Variants in IDH1 observed in about 807,000 individuals in gnomAD.
The protein encoded by IDH1 is isocitrate dehydrogenase [NADP] cytoplasmic.
IDH1 carries 33 observed loss-of-function variants against 46.1 expected under a neutral mutation model. The ratio of observed to expected loss-of-function variants is 0.72; its 90% CI spans 0.54 to 0.96. The LOEUF (loss-of-function observed/expected upper bound fraction) is 0.96, where lower values mean the gene tolerates loss of function less well. IDH1 is among the 40% of genes least tolerant of loss of function. The pLI, the probability that IDH1 is intolerant of heterozygous loss-of-function variation, is 0.00. For missense variants in IDH1, 421 were observed against 515.7 expected (o/e 0.82, Z 1.78); for synonymous variants, 144 against 172.8 (o/e 0.83, Z 1.31).
At chr2:208,248,300 A>T (rs1688059276) in intron 4 of IDH1, 69 bp downstream of exon 4, 3 of 1,414,298 alleles carry the variant, frequency 2.1e-6, no homozygotes, top group Non-Finnish European at 3.0e-6. Context: ...TAAAACACAT[A>T]CAAGTTGGAA....
intron 2 of IDH1, among the ~76,000 whole-genome samples, chr2:208,252,981 A>T (rs2124870175): frequency 6.6e-6 from 1 of 152,338 alleles, no homozygotes; most frequent in African/African-American, 2.4e-5. Context: ...CATATGATTC[A>T]GTTCATGTTT....
chr2:208,254,871 C>T (rs1446424885), intron 1 of IDH1, 68 bp downstream of exon 1: 4 of 152,380 alleles, frequency 2.6e-5, no homozygotes, highest in African/African-American at 7.2e-5. Context: ...CCATTCCTGC[C>T]TTCTGCGGAA....
chr2:208,247,799 A>T (rs1287382974), intron 4 of IDH1: 1 of 159,084 alleles, frequency 6.3e-6, no homozygotes, highest in Non-Finnish European at 1.4e-5. Flanking sequence ...CATAGTACCC[A>T]GCCAGTTTTT....
chr2:208,237,931 GA>G (rs200918475), intron 9 of IDH1, among the ~76,000 whole-genome samples: 3 of 146,070 alleles, frequency 2.1e-5, no homozygotes, highest in Non-Finnish European at 4.5e-5. Flanking sequence ...TCAATAAAAA[GA>G]AAAAAAAAGA....
At chr2:208,248,076 A>G (rs959958393) in intron 4 of IDH1, 1 of 435,868 alleles carries the variant, frequency 2.3e-6, no homozygotes, top group Non-Finnish European at 4.2e-6. Context: ...TGAAATTACC[A>G]ACATAAAAAT....
intron 8 of IDH1, 74 bp downstream of exon 8, chr2:208,239,789 G>T: frequency 6.9e-7 from 1 of 1,457,788 alleles, no homozygotes; most frequent in East Asian, 2.3e-5. Flanking sequence ...AAAACACTGA[G>T]CAGCCAAGGG....
At chr2:208,248,695 G>T (rs774294185) in intron 3 of IDH1, 35 bp from the exon 4 acceptor site, 1 of 1,581,630 alleles carries the variant, frequency 6.3e-7, no homozygotes, top group Admixed American at 1.7e-5. Flanking sequence ...AAGTTTTTCA[G>T]ACAAATGGAT....
Position 208,248,521 on chromosome 2 carries a change from A to G in IDH1, c.262T>C (p.Leu88=), listed in dbSNP as rs1215616500. The change falls in exon 4 of 10, where the codon TTG becomes CTG. Residue 88 remains leucine (L), a synonymous_variant. Coordinates refer to ENST00000345146, the MANE Select transcript of IDH1 (RefSeq NM_005896.4). ...TTTGGTGATTTCCACATTTGTTTCA[A>G]CTTGAACTCCTCAACCCTCTTCTCA... is the stretch of plus-strand genomic sequence containing the variant. The part of the protein sequence containing the change: ...PDEKRVEEFK[L]KQMWKSPNGT... 1.2e-6 allele frequency: 2 copies of G among 1,614,058 alleles called. No homozygotes were observed. The highest frequency in any genetic ancestry group is 1.7e-6 in the Non-Finnish European group (2 of 1,180,038).
chr2:208,252,278 T>C (rs999811109), intron 2 of IDH1, among the ~76,000 whole-genome samples: 3 of 152,252 alleles, frequency 2.0e-5, no homozygotes, highest in African/African-American at 7.2e-5. Flanking sequence ...AGAATCTCTA[T>C]ACAGTAGGGC....
intron 9 of IDH1, among the ~76,000 whole-genome samples, chr2:208,238,773 G>A (rs1687863954): frequency 6.6e-6 from 1 of 152,152 alleles, no homozygotes; most frequent in South Asian, 2.1e-4. Flanking sequence ...ACCAAATCGA[G>A]GCTGGTTTTG....
At chr2:208,239,744 G>T in intron 8 of IDH1, 119 bp downstream of exon 8, 1 of 950,796 alleles carries the variant, frequency 1.1e-6, no homozygotes, top group Non-Finnish European at 1.7e-6. Flanking sequence ...CTTACTAGTA[G>T]AACAAATCAG....
At chr2:208,243,701 A>C (rs1186536140) in intron 5 of IDH1, 97 bp from the exon 6 acceptor site, 6 of 939,934 alleles carry the variant, frequency 6.4e-6, no homozygotes, top group Admixed American at 3.9e-5. Flanking sequence ...CAAATGACCT[A>C]CTTCTCAGCT....
At chr2:208,253,744 A>G (rs573849306) in intron 2 of IDH1, 142 bp downstream of exon 2, 1 of 152,382 alleles carries the variant, frequency 6.6e-6, no homozygotes, top group South Asian at 2.1e-4. Flanking sequence ...AAAAGAAACA[A>G]GGAAGCTGTT....
chr2:208,240,374 T>A (rs114000671), intron 7 of IDH1: 282 of 238,654 alleles, frequency 1.2e-3, no homozygotes, highest in African/African-American at 5.9e-3. Flanking sequence ...TGCTGTGGGA[T>A]TAGATAAATA....
intron 9 of IDH1, among the ~76,000 whole-genome samples, chr2:208,237,489 T>C (rs1309279814): frequency 3.3e-5 from 5 of 152,150 alleles, no homozygotes; most frequent in Non-Finnish European, 7.3e-5. Context: ...GAGACCAAAA[T>C]CATCACACTT....
At position 208,239,228 on chromosome 2, in the gene IDH1, T is replaced by C. The variant is rs1687873174; in HGVS notation, c.997A>G (p.Ile333Val). Residue 333 changes from isoleucine (I) to valine (V), a missense_variant, in exon 9 of 10, where the codon ATT (isoleucine) becomes GTT (valine). Physicochemically the swap from Ile to Val is conservative, Grantham distance 29. Coordinates refer to ENST00000345146, the MANE Select transcript of IDH1 (RefSeq NM_005896.4). ...GCTAACCCTCTGGTCCAGGCAAAAATGGAAGCTAAAAGAGGGGAAAAAAAA... is the reference window on the plus strand; with the variant it reads ...GCTAACCCTCTGGTCCAGGCAAAAACGGAAGCTAAAAGAGGGGAAAAAAAA... ...QETSTNPIAS[I>V]FAWTRGLAHR... is the part of the protein sequence containing the mutation. The C allele has an allele frequency of 2.5e-6, 4 of 1,613,818 alleles. No homozygotes were observed. The highest frequency in any genetic ancestry group is 3.4e-6 in the Non-Finnish European group (4 of 1,179,976).
intron 9 of IDH1, among the ~76,000 whole-genome samples, 165 bp downstream of exon 9, chr2:208,238,906 C>T (rs965361225): frequency 6.6e-6 from 1 of 152,170 alleles, no homozygotes; most frequent in African/African-American, 2.4e-5. Context: ...ACTATATGTT[C>T]CACAAAGCCT....
Position 208,240,337 on chromosome 2 carries a change from G to A in IDH1, c.851-334C>T, listed in dbSNP as rs113158529. On this transcript the variant is annotated intron_variant, in intron 7 of 9. Coordinates refer to ENST00000345146, the MANE Select transcript of IDH1 (RefSeq NM_005896.4). The stretch of plus-strand genomic sequence containing the variant: ...CAGTTTTCTTATCTGTAAAATGGGA[G>A]TAATAACAGCACCTACTTCACTAGG... 904 of 313,026 alleles carry A rather than the reference G, an allele frequency of 2.9e-3. 9 individuals are homozygous for A. Among genetic ancestry groups the A allele is most frequent in the African/African-American group, 0.018 (838 of 47,058 alleles). 19.4% of individuals were successfully genotyped at this position (313,026 alleles called of 1,614,324 possible).
chr2:208,252,975 T>A (rs1439077334), intron 2 of IDH1, among the ~76,000 whole-genome samples: 1 of 152,240 alleles, frequency 6.6e-6, no homozygotes. Flanking sequence ...TGAAAGCATA[T>A]GATTCAGTTC....
Sources: allele counts gnomAD v4.1 joint callset (sites outside exome capture counted in the v4.1 genomes callset), GRCh38; gene constraint gnomAD v4.1.1; transcripts MANE v1.5; gene names NCBI Gene and HGNC (gene_info 2026-07-23, HGNC 2026-07-21).